SLA: variants seen among roughly 807,000 people sequenced by gnomAD.
The protein encoded by SLA is Src like adaptor.
In SLA, 16 loss-of-function variants were observed where a neutral mutation model predicts 30.3. The ratio of observed to expected loss-of-function variants is 0.53; its 90% CI spans 0.36 to 0.80. The LOEUF is 0.80. Among genes scored for constraint, SLA ranks in the 30% least tolerant of loss-of-function variants. The pLI, the probability that SLA is intolerant of heterozygous loss-of-function variation, is 0.01. For synonymous variants in SLA, 143 were observed against 137.8 expected (o/e 1.04, Z -0.26); for missense variants, 310 against 345.2 (o/e 0.90, Z 0.81).
intron 1 of SLA, among the ~76,000 whole-genome samples, chr8:133,085,318 C>G (rs570745011): frequency 6.6e-6 from 1 of 152,234 alleles, no homozygotes; most frequent in Non-Finnish European, 1.5e-5. Context: ...GATAAGACAC[C>G]AAACCTCAGG....
chr8:133,099,507 G>A (rs1848931110), intron 1 of SLA, among the ~76,000 whole-genome samples: 1 of 152,134 alleles, frequency 6.6e-6, no homozygotes, highest in African/African-American at 2.4e-5. Flanking sequence ...TATTCCTCCT[G>A]GACTTTTCCC....
At chr8:133,100,929 A>G (rs1309398865) in intron 1 of SLA, among the ~76,000 whole-genome samples, 1 of 151,940 alleles carries the variant, frequency 6.6e-6, no homozygotes, top group Non-Finnish European at 1.5e-5. Context: ...TATGGCTGTG[A>G]GGTAGGGAAC....
intron 2 of SLA, among the ~76,000 whole-genome samples, chr8:133,062,694 C>G (rs1273103096): frequency 6.6e-6 from 1 of 150,780 alleles, no homozygotes; most frequent in African/African-American, 2.4e-5. Context: ...GGAAGCATGC[C>G]TGTGACACGC....
At chr8:133,092,933 C>G (rs1847794889) in intron 1 of SLA, among the ~76,000 whole-genome samples, 1 of 152,158 alleles carries the variant, frequency 6.6e-6, no homozygotes, top group African/African-American at 2.4e-5. Context: ...GTGACCCACG[C>G]CTTTAACCAC....
At chr8:133,084,236 GCCTCTGT>G (rs1846170307) in intron 1 of SLA, among the ~76,000 whole-genome samples, 2 of 152,300 alleles carry the variant, frequency 1.3e-5, no homozygotes, top group African/African-American at 4.8e-5. Flanking sequence ...AAAAGACTTT[GCCTCTGT>G]CTAGGCAGTC....
intron 1 of SLA, among the ~76,000 whole-genome samples, chr8:133,083,269 C>A (rs1019088935): frequency 1.3e-5 from 2 of 152,072 alleles, no homozygotes; most frequent in East Asian, 3.9e-4. Flanking sequence ...ATTTTTTGAA[C>A]CTGTTACTTA....
intron 5 of SLA, chr8:133,049,013 T>C (rs1433860875): frequency 2.7e-6 from 1 of 365,124 alleles, no homozygotes; most frequent in Non-Finnish European, 5.5e-6. Context: ...TGCTTTGCAT[T>C]TCTTTGCCAA....
chr8:133,044,316 C>G (rs1320203639), intron 7 of SLA, among the ~76,000 whole-genome samples: 1 of 152,126 alleles, frequency 6.6e-6, no homozygotes, highest in African/African-American at 2.4e-5. Context: ...GCCACCACAC[C>G]ACATGATGCT....
At position 133,075,211 on chromosome 8, in the gene SLA, A is replaced by G. The variant is rs546385872; in HGVS notation, c.-318-81T>C. The stretch of plus-strand genomic sequence containing the variant: ...GCTTAACTCTGGATTCTGGAATTTC[A>G]GAAGCTTGGTCTTCTTTCTCTAATT... On this transcript the variant is annotated intron_variant, in intron 1 of 8. Transcript: ENST00000338087. 1,657 of 794,614 alleles carry G rather than the reference A, an allele frequency of 2.1e-3. 3 individuals carry two copies. Among genetic ancestry groups the G allele is most frequent in the Non-Finnish European group, 2.4e-3 (1,573 of 656,112 alleles). 49.2% of individuals were successfully genotyped at this position (794,614 alleles called of 1,614,324 possible).
At chr8:133,043,539 A>G (rs1838728155) in intron 7 of SLA, among the ~76,000 whole-genome samples, 1 of 152,198 alleles carries the variant, frequency 6.6e-6, no homozygotes. Context: ...CACTACATGA[A>G]CGATTGTGTT....
chr8:133,089,875 G>A (rs1166111444), intron 1 of SLA: 1 of 152,182 alleles, frequency 6.6e-6, no homozygotes, highest in East Asian at 1.9e-4. Flanking sequence ...TCCTCCCATG[G>A]AAACCCACTC....
chr8:133,076,762 A>C (rs1370568091), intron 1 of SLA: 1 of 146,970 alleles, frequency 6.8e-6, no homozygotes, highest in South Asian at 2.1e-4. Context: ...TTAGCTGTAA[A>C]AAAAAAAAAA....
intron 2 of SLA, among the ~76,000 whole-genome samples, chr8:133,074,155 G>A (rs1483648457): frequency 6.6e-6 from 1 of 152,114 alleles, no homozygotes; most frequent in Non-Finnish European, 1.5e-5. Context: ...CTAACATGCT[G>A]TTTTCAGAAT....
chr8:133,057,512 C>T (rs911995576), intron 3 of SLA, among the ~76,000 whole-genome samples: 1 of 152,158 alleles, frequency 6.6e-6, no homozygotes, highest in Admixed American at 6.5e-5. Flanking sequence ...TTTCCACACC[C>T]TTCTTTGCTG....
At chr8:133,061,162 G>C (rs759180205) in intron 2 of SLA, among the ~76,000 whole-genome samples, 15 of 152,104 alleles carry the variant, frequency 9.9e-5, no homozygotes, top group Non-Finnish European at 2.1e-4. Flanking sequence ...AGGCACACAT[G>C]CCACACCCAG....
At chr8:133,080,517 C>T (rs1293729737) in intron 1 of SLA, among the ~76,000 whole-genome samples, 1 of 152,170 alleles carries the variant, frequency 6.6e-6, no homozygotes, top group Non-Finnish European at 1.5e-5. Context: ...CATCCTCTTT[C>T]AGCCCTGTGT....
At chr8:133,038,777 A>G (rs922211330) in intron 8 of SLA, 40 bp from the exon 9 acceptor site, 10 of 1,444,868 alleles carry the variant, frequency 6.9e-6, no homozygotes, top group Non-Finnish European at 9.7e-6. Context: ...AAGGGAAAAA[A>G]AGAGAGTCAT....
At chr8:133,047,185 C>T (rs537642937) in intron 6 of SLA, 1 of 152,312 alleles carries the variant, frequency 6.6e-6, no homozygotes. Context: ...TGCTTTGCAT[C>T]ATGACAAAGA....
intron 4 of SLA, chr8:133,050,484 C>A: frequency 3.8e-6 from 1 of 261,338 alleles, no homozygotes; most frequent in Non-Finnish European, 7.4e-6. Flanking sequence ...ACCCTGGGGG[C>A]TGCCTTCCCG....
Sources: allele counts gnomAD v4.1 joint callset (sites outside exome capture counted in the v4.1 genomes callset), GRCh38; gene constraint gnomAD v4.1.1; transcripts MANE v1.5; gene names NCBI Gene and HGNC (gene_info 2026-07-23, HGNC 2026-07-21).